The following RNF38 variants were observed in gnomAD, a reference collection of about 807,000 sequenced individuals.
RNF38 encodes the protein ring finger protein 38.
RNF38 carries 15 observed loss-of-function variants against 67.2 expected under a neutral mutation model. The ratio of observed to expected loss-of-function variants is 0.22; its 90% CI spans 0.15 to 0.34. RNF38 has a LOEUF of 0.34. Among genes scored for constraint, RNF38 ranks in the 10% least tolerant of loss-of-function variants. The pLI is 1.00. For missense variants in RNF38, 524 were observed against 639.9 expected (o/e 0.82, Z 1.95); for synonymous variants, 220 against 218.8 (o/e 1.01, Z -0.05).
chr9:36,467,876 A>G (rs1277679621), intron 1 of RNF38, among the ~76,000 whole-genome samples: 3 of 152,204 alleles, frequency 2.0e-5, no homozygotes, highest in Non-Finnish European at 4.4e-5. Context: ...TTGTTTATAA[A>G]AGAAATAATT....
At chr9:36,480,872 C>T (rs1840242446) in intron 1 of RNF38, among the ~76,000 whole-genome samples, 4 of 151,694 alleles carry the variant, frequency 2.6e-5, no homozygotes, top group Admixed American at 2.0e-4. Flanking sequence ...ATATTTGGTC[C>T]TCTTACTACT....
At chr9:36,377,802 A>G (rs142824913) in intron 2 of RNF38, among the ~76,000 whole-genome samples, 429 of 152,298 alleles carry the variant, frequency 2.8e-3, no homozygotes, top group Non-Finnish European at 5.1e-3. Context: ...TACAATATAA[A>G]TGTTTTATAA....
chr9:36,481,296 T>C (rs563357825), intron 1 of RNF38, among the ~76,000 whole-genome samples: 2 of 152,316 alleles, frequency 1.3e-5, no homozygotes, highest in South Asian at 4.1e-4. Context: ...ATTACAGGCA[T>C]GAGCCACCAC....
chr9:36,472,624 G>A (rs1346115540), intron 1 of RNF38, among the ~76,000 whole-genome samples: 1 of 152,058 alleles, frequency 6.6e-6, no homozygotes, highest in African/African-American at 2.4e-5. Flanking sequence ...TAAATGGTAC[G>A]TTCCCAGGAT....
intron 1 of RNF38, among the ~76,000 whole-genome samples, chr9:36,464,112 C>T (rs2134386055): frequency 6.6e-6 from 1 of 151,774 alleles, no homozygotes; most frequent in South Asian, 2.1e-4. Flanking sequence ...TGCAGTGAGC[C>T]TAGATCACGA....
At position 36,434,266 on chromosome 9, in the gene RNF38, A is replaced by AG. The variant is rs1297074114; in HGVS notation, n.242-9584dup. On this transcript the variant is annotated intron_variant and non_coding_transcript_variant, in intron 1 of 3. Transcript: ENST00000488058. The stretch of plus-strand genomic sequence containing the variant: ...GGGAAGGGAGGGGAGGGGAGAGGGG[A>AG]GGGGGGGAAGGGATAGGGGAGAAGG... Among the ~76,000 whole-genome samples the AG allele has an allele frequency of 6.4e-3, 343 of 53,700 alleles. 3 individuals are homozygous for AG. The highest frequency in any genetic ancestry group is 9.7e-3 in the Non-Finnish European group (267 of 27,474). The allele number at this position is 53,700 out of a possible 152,430, so 35.2% of individuals were successfully genotyped here.
chr9:36,388,647 C>G (rs1836829984), intron 2 of RNF38, among the ~76,000 whole-genome samples: 1 of 152,098 alleles, frequency 6.6e-6, no homozygotes, highest in African/African-American at 2.4e-5. Flanking sequence ...TGGTGGAAAT[C>G]AATCAATTAA....
At chr9:36,435,015 T>A (rs1587132208) in intron 1 of RNF38, among the ~76,000 whole-genome samples, 2 of 152,158 alleles carry the variant, frequency 1.3e-5, no homozygotes, top group East Asian at 3.8e-4. Flanking sequence ...AAGCTCTTTA[T>A]GTACTGATAA....
intron 1 of RNF38, among the ~76,000 whole-genome samples, chr9:36,477,576 C>T (rs1008813752): frequency 6.6e-6 from 1 of 151,762 alleles, no homozygotes; most frequent in Non-Finnish European, 1.5e-5. Flanking sequence ...AATCCCAACA[C>T]TTTGGGAGGC....
chr9:36,476,669 G>A (rs982896365), intron 1 of RNF38, among the ~76,000 whole-genome samples: 7 of 151,560 alleles, frequency 4.6e-5, no homozygotes, highest in African/African-American at 1.5e-4. Flanking sequence ...GATTACAGGC[G>A]CCCACCACCA....
At chr9:36,391,465 G>A (rs981128203) in intron 1 of RNF38, among the ~76,000 whole-genome samples, 1 of 151,620 alleles carries the variant, frequency 6.6e-6, no homozygotes, top group Non-Finnish European at 1.5e-5. Flanking sequence ...AAGGCTCGTG[G>A]TCCCTTCTTG....
chr9:36,390,578 A>T lies in RNF38; in HGVS notation c.51T>A (p.His17Gln). 1 of 1,614,122 alleles carries T rather than the reference A, an allele frequency of 6.2e-7. No individual in the cohort carries two copies. Among genetic ancestry groups the T allele is most frequent in the Non-Finnish European group, 8.5e-7 (1 of 1,179,996 alleles). ...PGANSASLPG[H>Q]PNKVICERVR... Reference sequence around the variant, plus strand: ...CCCTTTCACAAATCACCTTGTTAGGATGGCCAGGTAGAGATGCTGAATTGG... The same window carrying T: ...CCCTTTCACAAATCACCTTGTTAGGTTGGCCAGGTAGAGATGCTGAATTGG... Residue 17 changes from histidine to glutamine, a missense_variant, in exon 2 of 12, where the codon CAT becomes CAA. Physicochemically the swap from His to Gln is conservative, Grantham distance 24. Coordinates refer to ENST00000259605, the MANE Select transcript of RNF38 (RefSeq NM_022781.5).
intron 1 of RNF38, among the ~76,000 whole-genome samples, chr9:36,478,403 CAAAAA>C (rs566516265): frequency 2.8e-5 from 2 of 72,282 alleles, no homozygotes; most frequent in Non-Finnish European, 2.6e-5. Context: ...GACTCCGTCT[CAAAAA>C]AAAAAAAAAA....
At chr9:36,463,906 G>A (rs1367238026) in intron 1 of RNF38, among the ~76,000 whole-genome samples, 2 of 152,164 alleles carry the variant, frequency 1.3e-5, no homozygotes, top group Admixed American at 6.5e-5. Context: ...GGTGGCTCAC[G>A]CCTGTAATCC....
At chr9:36,472,355 C>A (rs1221637697) in intron 1 of RNF38, among the ~76,000 whole-genome samples, 1 of 152,112 alleles carries the variant, frequency 6.6e-6, no homozygotes, top group Non-Finnish European at 1.5e-5. Flanking sequence ...TTTTTCCTTC[C>A]TAGGTATCCA....
chr9:36,474,968 C>A (rs1361099137), intron 1 of RNF38, among the ~76,000 whole-genome samples: 1 of 146,328 alleles, frequency 6.8e-6, no homozygotes, highest in Non-Finnish European at 1.5e-5. Flanking sequence ...ATGGTGAAAC[C>A]CCATGTCTAC....
rs145075232 is a variant in RNF38, at chr9:36,338,512, G to A, written c.*1240C>T. On this transcript the variant is annotated 3_prime_UTR_variant, in exon 12 of 12. Transcript: ENST00000259605. ...TCGATGAGAAGCACGTGTGATGAAG[G>A]AAGAACTAGACAACTTTCAGAATTG... 1.3e-5 allele frequency: 2 copies of A among 152,112 alleles called. No homozygotes were observed. Among genetic ancestry groups the A allele is most frequent in the African/African-American group, 4.8e-5 (2 of 41,364 alleles). The allele number at this position is 152,112 out of a possible 1,614,324, so 9.4% of individuals were successfully genotyped here.
intron 6 of RNF38, among the ~76,000 whole-genome samples, chr9:36,355,993 C>T (rs1474394816): frequency 1.3e-5 from 2 of 152,042 alleles, no homozygotes; most frequent in African/African-American, 4.8e-5. Context: ...ATTACAGGCA[C>T]GTGCCACAAT....
intron 1 of RNF38, among the ~76,000 whole-genome samples, chr9:36,428,506 C>T (rs1838848126): frequency 6.6e-6 from 1 of 151,396 alleles, no homozygotes. Flanking sequence ...CCTGCTGGAC[C>T]ACGACCACAT....
Sources: allele counts gnomAD v4.1 joint callset (sites outside exome capture counted in the v4.1 genomes callset), GRCh38; gene constraint gnomAD v4.1.1; transcripts MANE v1.5; gene names NCBI Gene and HGNC (gene_info 2026-07-23, HGNC 2026-07-21).